FMN1: variants seen among roughly 807,000 people sequenced by gnomAD.
The protein encoded by FMN1 is formin 1.
In FMN1, 110 loss-of-function variants were observed where a neutral mutation model predicts 132.4. The ratio of observed to expected loss-of-function variants is 0.83; its 90% CI spans 0.71 to 0.97. FMN1 has a LOEUF of 0.97. Ranked by LOEUF, FMN1 falls within the 50% of genes least tolerant of loss-of-function variation. The pLI is 0.00. For synonymous variants in FMN1, 722 were observed against 651.7 expected, an observed-to-expected ratio of 1.11 and a Z score of -1.64; for missense variants, 1,792 against 1,705.3, an observed-to-expected ratio of 1.05 and a Z score of -0.90.
chr15:33,071,525 A>T (rs764402587), intron 5 of FMN1, among the ~76,000 whole-genome samples: 5 of 152,228 alleles, frequency 3.3e-5, no homozygotes, highest in Non-Finnish European at 5.9e-5. Flanking sequence ...TGTGTAGTTT[A>T]GTTGGAGATC....
chr15:33,191,059 A>G (rs1326758561), intron 2 of FMN1, among the ~76,000 whole-genome samples: 1 of 151,934 alleles, frequency 6.6e-6, no homozygotes, highest in Non-Finnish European at 1.5e-5. Flanking sequence ...AGACCCAGCT[A>G]TTCAGGAGGC....
chr15:32,836,107 C>A (rs2058618758), intron 17 of FMN1, among the ~76,000 whole-genome samples: 1 of 152,104 alleles, frequency 6.6e-6, no homozygotes, highest in Non-Finnish European at 1.5e-5. Flanking sequence ...GTGATCCTCC[C>A]ACTTTAGCCT....
At chr15:32,994,251 GACACAC>G (rs1317773645) in intron 7 of FMN1, among the ~76,000 whole-genome samples, 1 of 131,960 alleles carries the variant, frequency 7.6e-6, no homozygotes, top group Non-Finnish European at 1.7e-5. Context: ...CACACACACA[GACACAC>G]ACACACACGT....
At chr15:33,024,129 AATAAACAT>A (rs2035552995) in intron 6 of FMN1, among the ~76,000 whole-genome samples, 1 of 152,144 alleles carries the variant, frequency 6.6e-6, no homozygotes, top group Admixed American at 6.5e-5. Flanking sequence ...CCAAATGGCT[AATAAACAT>A]ATAAACATAC....
At chr15:32,936,981 C>T (rs950818190) in intron 9 of FMN1, among the ~76,000 whole-genome samples, 1 of 152,150 alleles carries the variant, frequency 6.6e-6, no homozygotes, top group Non-Finnish European at 1.5e-5. Flanking sequence ...CCCATCAGCA[C>T]TCCAAGTCGG....
At chr15:32,796,316 A>G (rs2140967254) in intron 19 of FMN1, among the ~76,000 whole-genome samples, 1 of 152,146 alleles carries the variant, frequency 6.6e-6, no homozygotes, top group East Asian at 1.9e-4. Flanking sequence ...CTGATTCTTA[A>G]TTTTTCCAAT....
At chr15:32,825,117 C>G (rs1323148916) in intron 17 of FMN1, among the ~76,000 whole-genome samples, 1 of 152,242 alleles carries the variant, frequency 6.6e-6, no homozygotes, top group African/African-American at 2.4e-5. Context: ...TTTTCCATCT[C>G]AATTTCCACC....
chr15:33,008,156 AACTG>A (rs1157698572), intron 6 of FMN1, 81 bp from the exon 7 acceptor site: 8 of 1,074,648 alleles, frequency 7.4e-6, no homozygotes, highest in South Asian at 7.0e-5. Flanking sequence ...CTTAGAAATA[AACTG>A]ACTAAAATAA....
rs371991451 is a variant in FMN1 at position 32,857,082 on chromosome 15, C to T, written c.3861G>A (p.Val1287=). 171 of 1,613,144 alleles carry T rather than the reference C, an allele frequency of 1.1e-4. No homozygotes were observed. The Middle Eastern group carries it at 2.0e-3, about 19-fold the overall frequency. The change falls in exon 17 of 21, where the codon GTG becomes GTA. Residue 1287 remains valine, a synonymous_variant. Coordinates refer to ENST00000616417, the MANE Select transcript of FMN1 (RefSeq NM_001277313.2). ...LEASEKQMVV[V]CKESPKEYLQ... is the part of the protein sequence containing the mutation. ...GATACTCCTTTGGGGACTCCTTGCA[C>T]ACCACCACCATCTGTTTCTCACTTG...
At chr15:33,107,224 C>CT (rs1482198626) in intron 4 of FMN1, among the ~76,000 whole-genome samples, 2 of 151,986 alleles carry the variant, frequency 1.3e-5, no homozygotes, top group Admixed American at 6.6e-5. Flanking sequence ...AATCTGATCA[C>CT]TTCACACATC....
At chr15:32,856,070 T>G (rs975603286) in intron 17 of FMN1, among the ~76,000 whole-genome samples, 3 of 152,226 alleles carry the variant, frequency 2.0e-5, no homozygotes, top group Admixed American at 2.0e-4. Flanking sequence ...GCAGCTGGAA[T>G]GGAGTTCCTC....
intron 8 of FMN1, among the ~76,000 whole-genome samples, chr15:32,968,181 A>T (rs923371200): frequency 3.9e-5 from 6 of 152,244 alleles, no homozygotes; most frequent in Non-Finnish European, 7.3e-5. Context: ...TCAAGCAGAG[A>T]GAGTTTGTAT....
chr15:32,812,048 A>C (rs915468462), intron 17 of FMN1, among the ~76,000 whole-genome samples: 9 of 132,864 alleles, frequency 6.8e-5, no homozygotes, highest in African/African-American at 2.5e-4. Flanking sequence ...ACAAACAAAC[A>C]AAACCACGAA....
chr15:33,099,693 G>A (rs1595468717), intron 4 of FMN1, among the ~76,000 whole-genome samples: 1 of 152,140 alleles, frequency 6.6e-6, no homozygotes, highest in African/African-American at 2.4e-5. Context: ...ATTTGGTAGG[G>A]ATACCATATC....
intron 19 of FMN1, among the ~76,000 whole-genome samples, chr15:32,785,198 G>GTATATATATA (rs2056823124): frequency 1.8e-4 from 5 of 27,584 alleles, no homozygotes; most frequent in African/African-American, 6.5e-4. Context: ...GTGTGTGTGT[G>GTATATATATA]TGTATATATA....
intron 6 of FMN1, among the ~76,000 whole-genome samples, chr15:33,013,225 T>C (rs1566824734): frequency 1.3e-5 from 2 of 152,202 alleles, no homozygotes; most frequent in South Asian, 2.1e-4. Flanking sequence ...CTCCCGTGTA[T>C]GGGCAAAAGA....
In FMN1 at chr15:32,900,108, C is replaced by A. The variant is rs759878076; in HGVS notation, c.3525G>T (p.Lys1175Asn). The change falls in exon 14 of 21, where the codon AAG (lysine) becomes AAT (asparagine). Residue 1175 changes from lysine (K) to asparagine (N), a missense_variant. Around this residue, in one of 3 missense-constraint regions of FMN1, gnomAD observed 1,150 missense variants for 1,043.1 expected, o/e 1.10. Coordinates refer to ENST00000616417, the MANE Select transcript of FMN1 (RefSeq NM_001277313.2). ...TRASKDLLHV[K>N]SVKDILALIL... ...TGAGAGCTAAAATATCCTTCACGCT[C>A]TTCACGTGCAGCAAGTCCTGTGATG... 3 of 1,613,850 alleles carry A rather than the reference C, an allele frequency of 1.9e-6. No individual in the cohort carries two copies. In the South Asian group the frequency reaches 3.3e-5, roughly 18 times the overall value.
chr15:33,021,779 T>C (rs1448324356), intron 6 of FMN1, among the ~76,000 whole-genome samples: 1 of 152,204 alleles, frequency 6.6e-6, no homozygotes, highest in African/African-American at 2.4e-5. Flanking sequence ...CCTTGTTTTA[T>C]GTTCTATCAT....
chr15:32,771,745 T>G lies in FMN1; in HGVS notation c.*2565A>C, dbSNP rs1302850829. 1.3e-5 allele frequency: 2 copies of G among 152,230 alleles called. No homozygotes were observed. The highest frequency in any genetic ancestry group is 3.9e-4 in the East Asian group (2 of 5,176). 9.4% of individuals were successfully genotyped at this position (152,230 alleles called of 1,614,324 possible). On this transcript the variant is annotated 3_prime_UTR_variant, in exon 21 of 21. Coordinates refer to ENST00000616417, the MANE Select transcript of FMN1 (RefSeq NM_001277313.2). ...CCGATCACCTCCTCTCCAGGAAAAG[T>G]TCAGATCCTCCTGCTACACTGAACA...
Sources: gnomAD v4.1 joint callset for allele counts (sites outside exome capture counted in the v4.1 genomes callset) on GRCh38, gnomAD v4.1.1 for gene constraint, gnomAD v4.1.1 regional missense constraint, MANE v1.5 for transcripts, NCBI Gene and HGNC (gene_info 2026-07-23, HGNC 2026-07-21) for gene names.